Variants in RTN1 observed in about 807,000 individuals in gnomAD.
RTN1 encodes the protein reticulon-1.
In RTN1, 25 loss-of-function variants were observed where a neutral mutation model predicts 65.5. The observed-to-expected ratio is 0.38, with a 90% CI of 0.28 to 0.53. The LOEUF (loss-of-function observed/expected upper bound fraction) is 0.53, where lower values mean the gene tolerates loss of function less well. Ranked by LOEUF, RTN1 falls within the 20% of genes least tolerant of loss-of-function variation. The pLI is 0.79. For missense variants in RTN1, 983 were observed against 1,025.4 expected (o/e 0.96, Z 0.57); for synonymous variants, 471 against 447.6 (o/e 1.05, Z -0.66).
chr14:59,600,159 G>T (rs1179270712), intron 8 of RTN1, among the ~76,000 whole-genome samples: 1 of 152,004 alleles, frequency 6.6e-6, no homozygotes, highest in African/African-American at 2.4e-5. Context: ...ACCTAGACAG[G>T]GTCACTCAGT....
intron 5 of RTN1, chr14:59,604,485 C>T (rs1241622663): frequency 6.6e-6 from 1 of 152,468 alleles, no homozygotes; most frequent in African/African-American, 2.4e-5. Context: ...ACAATTTTTA[C>T]ATTACAAATA....
At chr14:59,706,107 T>C (rs1884287842) in intron 3 of RTN1, among the ~76,000 whole-genome samples, 1 of 152,222 alleles carries the variant, frequency 6.6e-6, no homozygotes, top group South Asian at 2.1e-4. Flanking sequence ...GAAGTCTCCA[T>C]GCTCATGACA....
chr14:59,761,110 A>T (rs1410136972), intron 1 of RTN1, among the ~76,000 whole-genome samples: 1 of 152,218 alleles, frequency 6.6e-6, no homozygotes, highest in African/African-American at 2.4e-5. Context: ...TTTTTTAAAC[A>T]TCTGCATCAT....
intron 1 of RTN1, among the ~76,000 whole-genome samples, chr14:59,854,728 T>TAA (rs1887574609): frequency 6.6e-6 from 1 of 150,896 alleles, no homozygotes; most frequent in African/African-American, 2.4e-5. Flanking sequence ...GCATGAACCC[T>TAA]AGATCCAGAC....
At chr14:59,678,164 G>A (rs1430220870) in intron 3 of RTN1, among the ~76,000 whole-genome samples, 1 of 152,166 alleles carries the variant, frequency 6.6e-6, no homozygotes, top group Non-Finnish European at 1.5e-5. Flanking sequence ...TCCTGTTCTG[G>A]GGTCTGGAGG....
chr14:59,841,412 C>T (rs1035429625), intron 1 of RTN1, among the ~76,000 whole-genome samples: 3 of 152,114 alleles, frequency 2.0e-5, no homozygotes, highest in Admixed American at 2.0e-4. Flanking sequence ...AACTGCAAGA[C>T]TCGCCAGGTG....
intron 8 of RTN1, among the ~76,000 whole-genome samples, chr14:59,598,580 G>C (rs1420957477): frequency 6.6e-6 from 1 of 152,164 alleles, no homozygotes; most frequent in African/African-American, 2.4e-5. Context: ...AGAGGTGCCA[G>C]CAGAGGACAT....
intron 2 of RTN1, among the ~76,000 whole-genome samples, chr14:59,728,131 C>T (rs753379540): frequency 1.8e-4 from 27 of 152,144 alleles, no homozygotes; most frequent in Non-Finnish European, 2.8e-4. Context: ...TGAAAATCAC[C>T]CATTATTCCT....
chr14:59,620,305 T>A (rs761530581), intron 3 of RTN1, among the ~76,000 whole-genome samples: 1 of 152,122 alleles, frequency 6.6e-6, no homozygotes, highest in Non-Finnish European at 1.5e-5. Context: ...AAGAGGTTCC[T>A]GAGACTAAGT....
chr14:59,769,277 G>A (rs1285026109), intron 1 of RTN1, among the ~76,000 whole-genome samples: 1 of 152,152 alleles, frequency 6.6e-6, no homozygotes, highest in African/African-American at 2.4e-5. Flanking sequence ...TACTTTTCAA[G>A]ATACTATTAG....
rs1470518609 is a variant in RTN1 at position 59,803,923 on chromosome 14, T to A, written c.242-57442A>T. On this transcript the variant is annotated intron_variant, in intron 1 of 8. Coordinates refer to ENST00000267484, the MANE Select transcript of RTN1 (RefSeq NM_021136.3). The surrounding 1 kb of genome is among the most constrained non-coding windows in gnomAD (Gnocchi z 5.6). Reference sequence around the variant, plus strand: ...AATTTTAGAACAGGTTTGGTTTACATAAAAGTTGTGGAAATTGTACAAAGC... The same window carrying A: ...AATTTTAGAACAGGTTTGGTTTACAAAAAAGTTGTGGAAATTGTACAAAGC... Among the ~76,000 whole-genome samples, 1 of 152,242 alleles carries A rather than the reference T, an allele frequency of 6.6e-6. No homozygotes were observed.
chr14:59,780,045 C>T (rs1243771005), intron 1 of RTN1, among the ~76,000 whole-genome samples: 1 of 152,180 alleles, frequency 6.6e-6, no homozygotes, highest in Admixed American at 6.5e-5. Flanking sequence ...GTATTTCCTG[C>T]ACATTCTGGC....
chr14:59,753,962 G>C (rs547907994), intron 1 of RTN1, among the ~76,000 whole-genome samples: 13 of 152,334 alleles, frequency 8.5e-5, no homozygotes, highest in Admixed American at 7.2e-4. Flanking sequence ...TGTACCTTGA[G>C]AGTCGCTGTG....
chr14:59,804,441 A>C (rs1886600627), intron 1 of RTN1, among the ~76,000 whole-genome samples: 1 of 152,288 alleles, frequency 6.6e-6, no homozygotes, highest in African/African-American at 2.4e-5. Context: ...TACTGATAGA[A>C]ACCCTTAATG....
At chr14:59,700,814 G>A (rs1156615067) in intron 3 of RTN1, among the ~76,000 whole-genome samples, 1 of 152,012 alleles carries the variant, frequency 6.6e-6, no homozygotes, top group Non-Finnish European at 1.5e-5. Flanking sequence ...GGTGGTACTG[G>A]TTTCTTTGAT....
chr14:59,657,530 C>T (rs985471293), intron 3 of RTN1, among the ~76,000 whole-genome samples: 2 of 152,206 alleles, frequency 1.3e-5, no homozygotes, highest in African/African-American at 2.4e-5. Flanking sequence ...TTCTGCATTT[C>T]CAACTGAGGT....
chr14:59,616,987 C>A (rs183628617), intron 3 of RTN1, among the ~76,000 whole-genome samples: 6 of 152,170 alleles, frequency 3.9e-5, no homozygotes, highest in Non-Finnish European at 4.4e-5. Flanking sequence ...TTCCTCTCTA[C>A]CTAATTTCTC....
intron 1 of RTN1, among the ~76,000 whole-genome samples, chr14:59,804,475 T>C (rs1886601444): frequency 6.6e-6 from 1 of 152,182 alleles, no homozygotes; most frequent in Non-Finnish European, 1.5e-5. Flanking sequence ...AAATCTATAT[T>C]CATATTTGAA....
rs575194431 is a variant in RTN1 at position 59,641,528 on chromosome 14, C to T, written c.1766-34036G>A. ...GGGATTACAGGTGCATACTACCACA[C>T]ACAGCTAATTTTTTGTATTTTTAGT... On this transcript the variant is annotated intron_variant, in intron 3 of 8. Coordinates refer to ENST00000267484, the MANE Select transcript of RTN1 (RefSeq NM_021136.3). Among the ~76,000 whole-genome samples the T allele has an allele frequency of 1.4e-4, 22 of 152,192 alleles. No homozygotes were observed. The South Asian group carries it at 4.4e-3, about 30-fold the overall frequency.
Sources: allele counts gnomAD v4.1 joint callset (sites outside exome capture counted in the v4.1 genomes callset), GRCh38; gene constraint gnomAD v4.1.1; non-coding constraint Gnocchi (gnomAD v3.1); transcripts MANE v1.5; gene names NCBI Gene and HGNC (gene_info 2026-07-23, HGNC 2026-07-21).